The following EIF3A variants were observed in gnomAD, a reference collection of about 807,000 sequenced individuals.
The protein encoded by EIF3A is eukaryotic translation initiation factor 3 subunit A.
EIF3A carries 21 observed loss-of-function variants against 186.6 expected under a neutral mutation model. The ratio of observed to expected loss-of-function variants is 0.11; its 90% CI spans 0.08 to 0.16. The LOEUF is 0.16. Among genes scored for constraint, EIF3A ranks in the 10% least tolerant of loss-of-function variants. EIF3A has a pLI of 1.00. For synonymous variants in EIF3A, 563 were observed against 584.3 expected (o/e 0.96, Z 0.52); for missense variants, 1,306 against 1,796.3 (o/e 0.73, Z 4.93).
rs753995352 is a variant in EIF3A at position 119,080,665 on chromosome 10, A to G, written c.12T>C (p.Tyr4=). The part of the protein sequence containing the change: MPA[Y]FQRPENALKR... ...TGAGGGCATTTTCCGGCCTCTGAAA[A>G]TAGGCCGGCATCTTGGCGGCAGGCT... Residue 4 remains tyrosine, a synonymous_variant, in exon 1 of 22, where the codon TAT becomes TAC. Transcript: ENST00000369144. 1.5e-5 allele frequency: 24 copies of G among 1,596,170 alleles called. No homozygotes were observed. Among genetic ancestry groups the G allele is most frequent in the African/African-American group, 2.7e-5 (2 of 73,622 alleles).
At chr10:119,071,340 A>G (rs1321282109) in intron 4 of EIF3A, among the ~76,000 whole-genome samples, 1 of 152,194 alleles carries the variant, frequency 6.6e-6, no homozygotes, top group Non-Finnish European at 1.5e-5. Flanking sequence ...TACAAATGGG[A>G]AACTAGAATT....
intron 6 of EIF3A, among the ~76,000 whole-genome samples, chr10:119,067,587 C>T (rs909420357): frequency 6.6e-6 from 1 of 151,984 alleles, no homozygotes; most frequent in Non-Finnish European, 1.5e-5. Context: ...AAGCAAGACC[C>T]TATGAGAAAG....
At chr10:119,044,603 G>C (rs1308442223) in intron 17 of EIF3A, among the ~76,000 whole-genome samples, 2 of 152,168 alleles carry the variant, frequency 1.3e-5, no homozygotes, top group African/African-American at 2.4e-5. Flanking sequence ...AATCCCAGCA[G>C]TTTGGAAGGC....
chr10:119,041,233 C>T lies in EIF3A; in HGVS notation c.3526+761G>A, dbSNP rs577491297. On this transcript the variant is annotated intron_variant, in intron 19 of 21. Coordinates refer to ENST00000369144, the MANE Select transcript of EIF3A (RefSeq NM_003750.4). ...TCACAAACATGTATACAACTGCTCACGAATAATAAAGTGTGAAACAATAAG... is the reference window on the plus strand; with the variant it reads ...TCACAAACATGTATACAACTGCTCATGAATAATAAAGTGTGAAACAATAAG... Among the ~76,000 whole-genome samples the T allele has an allele frequency of 1.3e-3, 204 of 151,886 alleles. 1 individual carries two copies. Among genetic ancestry groups the T allele is most frequent in the African/African-American group, 4.5e-3 (187 of 41,380 alleles).
At chr10:119,055,897 C>G (rs1262183620) in intron 14 of EIF3A, among the ~76,000 whole-genome samples, 1 of 152,052 alleles carries the variant, frequency 6.6e-6, no homozygotes, top group Admixed American at 6.5e-5. Flanking sequence ...CAAATCAACC[C>G]AATTTGGTCT....
intron 19 of EIF3A, among the ~76,000 whole-genome samples, chr10:119,040,716 C>CA (rs1460869530): frequency 2.6e-5 from 4 of 151,474 alleles, no homozygotes; most frequent in African/African-American, 4.9e-5. Context: ...ATTAAAAATA[C>CA]AAAAAAATGG....
intron 5 of EIF3A, 135 bp from the exon 6 acceptor site, chr10:119,069,789 C>G: frequency 1.6e-6 from 1 of 611,198 alleles, no homozygotes; most frequent in African/African-American, 1.8e-5. Flanking sequence ...TCTCTTTACT[C>G]ATGTATATCT....
chr10:119,050,057 T>C (rs763878196), intron 16 of EIF3A, 72 bp from the exon 17 acceptor site: 6 of 1,448,342 alleles, frequency 4.1e-6, no homozygotes, highest in Non-Finnish European at 5.7e-6. Flanking sequence ...TCCACTTTTC[T>C]GGTATTAAAC....
At chr10:119,077,508 G>C (rs1391096949) in intron 1 of EIF3A, among the ~76,000 whole-genome samples, 1 of 151,720 alleles carries the variant, frequency 6.6e-6, no homozygotes, top group Non-Finnish European at 1.5e-5. Context: ...ATGACAGTGA[G>C]TCTTCTGCCT....
Position 119,051,219 on chromosome 10 carries a change from C to T in EIF3A, c.2299G>A (p.Ala767Thr). Residue 767 changes from alanine to threonine, a missense_variant, in exon 15 of 22, where the codon GCA becomes ACA. This residue lies in a region of EIF3A where 410 missense variants were observed against 473.5 expected (regional missense o/e 0.87). Transcript: ENST00000369144. ...RDLFVMRLKA[A>T]RQSVYEEKLK... ...CTCACCTCATAAACAGACTGCCGTGCAGCTTTGAGTCGCATTACGAATAAA... is the reference window on the plus strand; with the variant it reads ...CTCACCTCATAAACAGACTGCCGTGTAGCTTTGAGTCGCATTACGAATAAA... The T allele has an allele frequency of 6.2e-7, 1 of 1,609,508 alleles. No homozygotes were observed. The highest frequency in any genetic ancestry group is 8.5e-7 in the Non-Finnish European group (1 of 1,178,842).
At position 119,080,678 on chromosome 10, in the gene EIF3A, T is replaced by C; in HGVS notation, c.-2A>G. 2.5e-6 allele frequency: 4 copies of C among 1,594,764 alleles called. No homozygotes were observed. Among genetic ancestry groups the C allele is most frequent in the Non-Finnish European group, 3.4e-6 (4 of 1,171,918 alleles). On this transcript the variant is annotated 5_prime_UTR_variant, in exon 1 of 22. Transcript: ENST00000369144. ...CGGCCTCTGAAAATAGGCCGGCATC[T>C]TGGCGGCAGGCTCAGCTCACCCGGC...
intron 1 of EIF3A, among the ~76,000 whole-genome samples, chr10:119,074,956 A>C (rs1452912983): frequency 6.9e-6 from 1 of 144,752 alleles, no homozygotes; most frequent in African/African-American, 2.5e-5. Context: ...AAAAAATGGA[A>C]TACAAAGCAA....
intron 2 of EIF3A, 46 bp downstream of exon 2, chr10:119,073,701 T>G: frequency 6.4e-7 from 1 of 1,563,094 alleles, no homozygotes; most frequent in Middle Eastern, 1.7e-4. Flanking sequence ...TTCGGCAGAT[T>G]ACTAAAAACA....
Position 119,036,207 on chromosome 10 carries a change from A to AG in EIF3A, c.3980dup (p.Arg1328SerfsTer23). On this transcript the variant is annotated frameshift_variant, in exon 22 of 22. Transcript: ENST00000369144. LOFTEE classifies it high-confidence loss of function. ...AAAGAGCTGGGGGAGGAACTCGACG[A>AG]GGAGGGTCCCGCTCTTCCACCCGGT... is the stretch of plus-strand genomic sequence containing the variant. The AG allele has an allele frequency of 6.2e-7, 1 of 1,613,906 alleles. No individual in the cohort carries two copies. Among genetic ancestry groups the AG allele is most frequent in the Non-Finnish European group, 8.5e-7 (1 of 1,179,976 alleles).
At chr10:119,038,189 T>C (rs777706433) in intron 20 of EIF3A, 49 bp downstream of exon 20, 3 of 1,517,678 alleles carry the variant, frequency 2.0e-6, no homozygotes, top group Non-Finnish European at 2.7e-6. Flanking sequence ...ATTACAGGCA[T>C]GAGCCACTGC....
intron 1 of EIF3A, among the ~76,000 whole-genome samples, chr10:119,077,123 T>A (rs558984179): frequency 6.6e-4 from 101 of 152,196 alleles, no homozygotes; most frequent in African/African-American, 2.2e-3. Context: ...AGGGCTTGCT[T>A]AAAGATGGAA....
At chr10:119,045,822 C>A (rs1848275478) in intron 17 of EIF3A, among the ~76,000 whole-genome samples, 1 of 152,130 alleles carries the variant, frequency 6.6e-6, no homozygotes, top group African/African-American at 2.4e-5. Context: ...CTGCCTCGGT[C>A]TCCCAAAGTG....
At chr10:119,073,683 G>T in intron 2 of EIF3A, 64 bp downstream of exon 2, 6 of 1,559,470 alleles carry the variant, frequency 3.8e-6, no homozygotes, top group South Asian at 3.6e-5. Context: ...ACTTCGAAAG[G>T]TAAGTTCTTC....
At chr10:119,065,364 C>G (rs1297562817) in intron 7 of EIF3A, 35 bp downstream of exon 7, 14 of 1,527,986 alleles carry the variant, frequency 9.2e-6, no homozygotes, top group Non-Finnish European at 1.3e-5. Flanking sequence ...AAGTTTTCTG[C>G]CCAAAGCTAC....
Sources: allele counts gnomAD v4.1 joint callset (sites outside exome capture counted in the v4.1 genomes callset), GRCh38; gene constraint gnomAD v4.1.1; regional missense constraint gnomAD v4.1.1; transcripts MANE v1.5; gene names NCBI Gene and HGNC (gene_info 2026-07-23, HGNC 2026-07-21).